The following LRRC7 variants were observed in gnomAD, a reference collection of about 807,000 sequenced individuals.
LRRC7 encodes leucine-rich repeat-containing protein 7.
LRRC7 carries 23 observed loss-of-function variants against 175.7 expected under a neutral mutation model. The ratio of observed to expected loss-of-function variants is 0.13; its 90% CI spans 0.09 to 0.19. The LOEUF is 0.19. LRRC7 is among the 10% of genes least tolerant of loss of function. The pLI, the probability that LRRC7 is intolerant of heterozygous loss-of-function variation, is 1.00. For missense variants in LRRC7, 1,354 were observed against 1,904.7 expected, an observed-to-expected ratio of 0.71 and a Z score of 5.38; for synonymous variants, 685 against 680.9, an observed-to-expected ratio of 1.01 and a Z score of -0.09.
chr1:69,906,976 A>G (rs1415426562), intron 7 of LRRC7, among the ~76,000 whole-genome samples: 2 of 151,950 alleles, frequency 1.3e-5, no homozygotes, highest in Admixed American at 1.3e-4. Context: ...GGTCCTTCAC[A>G]TCCCTTGTAA....
chr1:69,601,404 A>G (rs546800136), intron 1 of LRRC7, among the ~76,000 whole-genome samples: 30 of 152,170 alleles, frequency 2.0e-4, no homozygotes, highest in African/African-American at 7.2e-4. Flanking sequence ...CCCGTCCAAC[A>G]GTAAGAAAAC....
intron 22 of LRRC7, among the ~76,000 whole-genome samples, chr1:70,050,642 C>T (rs1660676618): frequency 6.6e-6 from 1 of 151,998 alleles, no homozygotes; most frequent in Admixed American, 6.6e-5. Flanking sequence ...TATTAAATTT[C>T]AACAGTGATA....
intron 4 of LRRC7, among the ~76,000 whole-genome samples, chr1:69,802,351 A>G (rs1676615047): frequency 6.6e-6 from 1 of 151,336 alleles, no homozygotes; most frequent in Admixed American, 6.6e-5. Context: ...TTGCATCTAT[A>G]TCTTTTTTAG....
intron 8 of LRRC7, among the ~76,000 whole-genome samples, chr1:69,937,641 A>G (rs999985468): frequency 9.2e-5 from 14 of 152,082 alleles, no homozygotes; most frequent in South Asian, 2.1e-4. Flanking sequence ...TTACTCATCA[A>G]TTTTGGAAAA....
intron 7 of LRRC7, among the ~76,000 whole-genome samples, chr1:69,850,132 G>A (rs1453502453): frequency 6.6e-6 from 1 of 151,922 alleles, no homozygotes; most frequent in African/African-American, 2.4e-5. Flanking sequence ...GAACAGGTCC[G>A]GTTTGCATGT....
At chr1:69,943,702 C>A (rs1648978553) in intron 8 of LRRC7, among the ~76,000 whole-genome samples, 1 of 151,946 alleles carries the variant, frequency 6.6e-6, no homozygotes, top group Non-Finnish European at 1.5e-5. Flanking sequence ...CTCCCAGGAT[C>A]TAGAAAGGAA....
intron 2 of LRRC7, among the ~76,000 whole-genome samples, chr1:69,687,345 C>T (rs1295937464): frequency 1.3e-5 from 2 of 151,366 alleles, no homozygotes; most frequent in Non-Finnish European, 2.9e-5. Flanking sequence ...CCTGTATCTA[C>T]AAAAATACAA....
chr1:69,611,459 G>T (rs960463825), intron 1 of LRRC7, among the ~76,000 whole-genome samples: 7 of 151,958 alleles, frequency 4.6e-5, no homozygotes, highest in African/African-American at 1.4e-4. Flanking sequence ...AGTGAGTACC[G>T]AGTCATTGCT....
chr1:69,718,071 AAGAG>A (rs1168862545), intron 2 of LRRC7, among the ~76,000 whole-genome samples: 1 of 147,154 alleles, frequency 6.8e-6, no homozygotes, highest in Admixed American at 6.8e-5. Context: ...AAATAAGAGA[AAGAG>A]AAGAGAGAGA....
At chr1:70,063,295 G>C (rs575418757) in intron 23 of LRRC7, among the ~76,000 whole-genome samples, 1 of 152,214 alleles carries the variant, frequency 6.6e-6, no homozygotes, top group East Asian at 1.9e-4. Context: ...ACAAATGACT[G>C]TTCTTCAGAA....
chr1:69,622,674 G>A (rs1412782661), intron 1 of LRRC7, among the ~76,000 whole-genome samples: 1 of 152,136 alleles, frequency 6.6e-6, no homozygotes, highest in Non-Finnish European at 1.5e-5. Flanking sequence ...GTGGTTAGAA[G>A]AACAATAAGG....
At chr1:69,633,903 A>T (rs1305684690) in intron 1 of LRRC7, among the ~76,000 whole-genome samples, 2 of 151,810 alleles carry the variant, frequency 1.3e-5, no homozygotes, top group African/African-American at 4.8e-5. Flanking sequence ...TTGTTTGCTG[A>T]TATATTTTTG....
At chr1:69,825,196 C>T (rs1679766934) in intron 4 of LRRC7, among the ~76,000 whole-genome samples, 1 of 152,224 alleles carries the variant, frequency 6.6e-6, no homozygotes, top group South Asian at 2.1e-4. Flanking sequence ...AGATGCAGAG[C>T]TACACTCTGT....
At chr1:69,613,375 G>A (rs1649109862) in intron 1 of LRRC7, among the ~76,000 whole-genome samples, 1 of 151,984 alleles carries the variant, frequency 6.6e-6, no homozygotes, top group Admixed American at 6.6e-5. Context: ...CTTCCCAAAG[G>A]CCTCACCTCT....
At chr1:69,615,652 A>G (rs566905913) in intron 1 of LRRC7, among the ~76,000 whole-genome samples, 12 of 152,166 alleles carry the variant, frequency 7.9e-5, no homozygotes, top group African/African-American at 2.6e-4. Context: ...ATATACATGC[A>G]ATTTTATATA....
chr1:69,935,309 G>A (rs1230004169), intron 8 of LRRC7, among the ~76,000 whole-genome samples: 4 of 152,126 alleles, frequency 2.6e-5, no homozygotes, highest in Non-Finnish European at 4.4e-5. Flanking sequence ...TATTCAAGCA[G>A]GTAGTGCTTG....
intron 17 of LRRC7, among the ~76,000 whole-genome samples, chr1:70,027,907 C>T (rs1571075622): frequency 6.6e-6 from 1 of 152,252 alleles, no homozygotes; most frequent in East Asian, 1.9e-4. Context: ...TGACCTACTG[C>T]TATTTCAGCC....
At chr1:69,924,230 G>C (rs1244071619) in intron 7 of LRRC7, among the ~76,000 whole-genome samples, 1 of 152,118 alleles carries the variant, frequency 6.6e-6, no homozygotes, top group Admixed American at 6.6e-5. Context: ...TTGAAGTCAG[G>C]TAGCATGATG....
chr1:69,825,646 T>G, intron 4 of LRRC7, 102 bp from the exon 5 acceptor site: 4 of 657,936 alleles, frequency 6.1e-6, no homozygotes, highest in Non-Finnish European at 7.5e-6. Flanking sequence ...GTTTACATCA[T>G]GTACTGACTC....
Sources: allele counts gnomAD v4.1 joint callset (sites outside exome capture counted in the v4.1 genomes callset), GRCh38; gene constraint gnomAD v4.1.1; transcripts MANE v1.5; gene names NCBI Gene and HGNC (gene_info 2026-07-23, HGNC 2026-07-21).